SMAD7: variants seen among roughly 807,000 people sequenced by gnomAD.
The protein encoded by SMAD7 is MAD (mothers against decapentaplegic, Drosophila) homolog 7.
Under a neutral mutation model 38.7 loss-of-function variants are expected in SMAD7, and 8 were observed. The observed-to-expected ratio is 0.21, with a 90% CI of 0.12 to 0.37. SMAD7 has a LOEUF of 0.37. SMAD7 is among the 10% of genes least tolerant of loss of function. SMAD7 has a pLI of 1.00. For missense variants in SMAD7, 477 were observed against 577.9 expected, an observed-to-expected ratio of 0.83 and a Z score of 1.79; for synonymous variants, 327 against 265.1, an observed-to-expected ratio of 1.23 and a Z score of -2.27.
At chr18:48,934,687 T>G (rs150866548) in intron 3 of SMAD7, among the ~76,000 whole-genome samples, 192 of 152,242 alleles carry the variant, frequency 1.3e-3, no homozygotes, top group African/African-American at 4.5e-3. Context: ...TAAAATATTT[T>G]TTTAAATAAT....
intron 3 of SMAD7, among the ~76,000 whole-genome samples, chr18:48,931,560 A>C (rs1210535957): frequency 6.6e-6 from 1 of 152,240 alleles, no homozygotes; most frequent in African/African-American, 2.4e-5. Context: ...AAGAGACAGA[A>C]AGAACTACAA....
Position 48,921,603 on chromosome 18 carries a change from C to T in SMAD7, c.1050G>A (p.Pro350=), listed in dbSNP as rs189328316. The T allele has an allele frequency of 1.7e-5, 28 of 1,613,788 alleles. No individual in the cohort carries two copies. The East Asian group carries it at 4.2e-4, about 24-fold the overall frequency. The change falls in exon 4 of 4, where the codon CCG becomes CCA. Residue 350 remains proline (P), a synonymous_variant. Coordinates refer to ENST00000262158, the MANE Select transcript of SMAD7 (RefSeq NM_005904.4). The surrounding 1 kb of genome is among the most constrained non-coding windows in gnomAD (Gnocchi z 6.4). ...IFIKSATLDN[P]DSRTLLVHKV... is the part of the protein sequence containing the mutation. ...TGTGTACCAACAGCGTCCTGGAGTC[C>T]GGGTTGTCCAGTGTGGCGGACTTGA...
intron 3 of SMAD7, among the ~76,000 whole-genome samples, chr18:48,931,596 T>G (rs550772406): frequency 6.6e-6 from 1 of 152,198 alleles, no homozygotes; most frequent in East Asian, 1.9e-4. Context: ...ATGGAAGCAG[T>G]CTTTGGCTTC....
Position 48,950,320 on chromosome 18 carries a change from G to A in SMAD7, c.105C>T (p.Gly35=), listed in dbSNP as rs1209761699. Residue 35 remains glycine, a synonymous_variant, in exon 1 of 4, where the codon GGC becomes GGT. Coordinates refer to ENST00000262158, the MANE Select transcript of SMAD7 (RefSeq NM_005904.4). The part of the protein sequence containing the change: ...EEGAGGGGGG[G]ELRGEGATDS... ...CCGTCGCCCCTTCTCCCCGCAGCTC[G>A]CCTCCTCCTCCACCTCCCCCTGCGC... is the stretch of plus-strand genomic sequence containing the variant. The A allele has an allele frequency of 3.9e-6, 6 of 1,536,492 alleles. No individual in the cohort carries two copies. The East Asian group carries it at 1.0e-4, about 26-fold the overall frequency.
At chr18:48,938,041 A>G (rs929634899) in intron 3 of SMAD7, among the ~76,000 whole-genome samples, 2 of 152,232 alleles carry the variant, frequency 1.3e-5, no homozygotes, top group Admixed American at 1.3e-4. Flanking sequence ...CAGACAATGA[A>G]TAATTGTTCA....
At chr18:48,923,344 A>C (rs1332659301) in intron 3 of SMAD7, among the ~76,000 whole-genome samples, 2 of 152,136 alleles carry the variant, frequency 1.3e-5, no homozygotes, top group Non-Finnish European at 2.9e-5. Flanking sequence ...CAGGGGGTCC[A>C]TGGCGGAAGA....
At chr18:48,942,332 T>C (rs2070149833) in intron 3 of SMAD7, 149 bp downstream of exon 3, 1 of 635,386 alleles carries the variant, frequency 1.6e-6, no homozygotes, top group South Asian at 2.0e-5. Context: ...CACCACAATG[T>C]CACCACCGAT....
At position 48,950,239 on chromosome 18, in the gene SMAD7, C is replaced by T. The variant is rs763219099; in HGVS notation, c.186G>A (p.Leu62=). The part of the protein sequence containing the change: ...GGGPGRAGCC[L]GKAVRGAKGH... ...CTTTGGCACCTCGCACCGCCTTGCC[C>T]AGGCAGCATCCAGCCCTGCCCGGGC... Residue 62 remains leucine (L), a synonymous_variant, in exon 1 of 4, where the codon CTG becomes CTA. Coordinates refer to ENST00000262158, the MANE Select transcript of SMAD7 (RefSeq NM_005904.4). 384 of 1,508,608 alleles carry T rather than the reference C, an allele frequency of 2.5e-4. 1 individual carries two copies. The highest frequency in any genetic ancestry group is 5.3e-4 in the Middle Eastern group (3 of 5,620). The allele number at this position is 1,508,608 out of a possible 1,614,324, so 93.5% of individuals were successfully genotyped here.
chr18:48,934,392 G>C (rs2070039068), intron 3 of SMAD7, among the ~76,000 whole-genome samples: 1 of 152,108 alleles, frequency 6.6e-6, no homozygotes, highest in Admixed American at 6.5e-5. Flanking sequence ...GTTAGGGGAA[G>C]GCAGTACCGG....
intron 3 of SMAD7, among the ~76,000 whole-genome samples, chr18:48,927,223 C>T (rs1336729633): frequency 6.6e-6 from 1 of 152,164 alleles, no homozygotes; most frequent in Admixed American, 6.5e-5. Flanking sequence ...ACACTGGGGC[C>T]CAACCCATCT....
intron 3 of SMAD7, among the ~76,000 whole-genome samples, chr18:48,937,469 A>G (rs889704062): frequency 2.0e-5 from 3 of 152,106 alleles, no homozygotes; most frequent in African/African-American, 7.2e-5. Flanking sequence ...GAGCAGCCCA[A>G]ATTTGCTCCA....
At chr18:48,947,265 T>TA (rs901918778) in intron 2 of SMAD7, among the ~76,000 whole-genome samples, 8 of 152,212 alleles carry the variant, frequency 5.3e-5, no homozygotes, top group Admixed American at 2.6e-4. Flanking sequence ...AGGGAGCTGG[T>TA]AGAGTCCCAG....
At chr18:48,937,995 G>C (rs755895359) in intron 3 of SMAD7, among the ~76,000 whole-genome samples, 6 of 152,166 alleles carry the variant, frequency 3.9e-5, no homozygotes, top group Non-Finnish European at 8.8e-5. Flanking sequence ...CAGGCGCCCA[G>C]GCCCAGGTTC....
At chr18:48,946,220 G>A (rs930896998) in intron 2 of SMAD7, among the ~76,000 whole-genome samples, 1 of 152,168 alleles carries the variant, frequency 6.6e-6, no homozygotes, top group Non-Finnish European at 1.5e-5. Context: ...AAAACTTTGT[G>A]CCTGTTTCAT....
chr18:48,942,859 T>C (rs2070158078), intron 2 of SMAD7: 1 of 1,104,182 alleles, frequency 9.1e-7, no homozygotes, highest in African/African-American at 1.7e-5. Flanking sequence ...ACCAGGTGGT[T>C]CCCAAGGTCA....
At position 48,950,314 on chromosome 18, in the gene SMAD7, C is replaced by T. The variant is rs1287175717; in HGVS notation, c.111G>A (p.Leu37=). The T allele has an allele frequency of 1.3e-6, 2 of 1,535,458 alleles. No individual in the cohort carries two copies. The highest frequency in any genetic ancestry group is 2.0e-5 in the Admixed American group (1 of 50,162). The change falls in exon 1 of 4, where the codon CTG becomes CTA. Residue 37 remains leucine, a synonymous_variant. Transcript: ENST00000262158. ...GAGGGGGGGE[L]RGEGATDSRA... ...GGCTGTCCGTCGCCCCTTCTCCCCG[C>T]AGCTCGCCTCCTCCTCCACCTCCCC...
rs532780422 is a variant in SMAD7 at position 48,925,527 on chromosome 18, C to T, written c.743-3617G>A. Among the ~76,000 whole-genome samples the T allele has an allele frequency of 2.0e-5, 3 of 152,236 alleles. No individual in the cohort carries two copies. The South Asian group carries it at 6.2e-4, about 32-fold the overall frequency. On this transcript the variant is annotated intron_variant, in intron 3 of 3. Transcript: ENST00000262158. The stretch of plus-strand genomic sequence containing the variant: ...TGTTGAGAAAGGAGAGGACTTCAGC[C>T]TGTGTTTGCGCTCCAACTGGGGAAG...
At chr18:48,941,560 A>G (rs1195881054) in intron 3 of SMAD7, among the ~76,000 whole-genome samples, 1 of 152,220 alleles carries the variant, frequency 6.6e-6, no homozygotes, top group Non-Finnish European at 1.5e-5. Context: ...AGCTGCTACC[A>G]CGTGATCCTA....
intron 2 of SMAD7, among the ~76,000 whole-genome samples, chr18:48,944,259 C>T (rs1209042071): frequency 2.6e-5 from 4 of 152,182 alleles, no homozygotes; most frequent in Non-Finnish European, 5.9e-5. Context: ...AATGACTTAT[C>T]CACAGCCACT....
Sources: allele counts gnomAD v4.1 joint callset (sites outside exome capture counted in the v4.1 genomes callset), GRCh38; gene constraint gnomAD v4.1.1; non-coding constraint Gnocchi (gnomAD v3.1); transcripts MANE v1.5; gene names NCBI Gene and HGNC (gene_info 2026-07-23, HGNC 2026-07-21).